The following CALN1 variants were observed in gnomAD, a reference collection of about 807,000 sequenced individuals.
The protein encoded by CALN1 is calneuron 1, also known as calcium-binding protein 8.
Under a neutral mutation model 30.6 loss-of-function variants are expected in CALN1, and 17 were observed. That is an observed-to-expected ratio of 0.56 (90% CI 0.38 to 0.83). The LOEUF (loss-of-function observed/expected upper bound fraction) is 0.83. CALN1 is among the 40% of genes least tolerant of loss of function. The pLI, the probability that CALN1 is intolerant of heterozygous loss-of-function variation, is 0.00. For missense variants in CALN1, 291 were observed against 354.9 expected, an observed-to-expected ratio of 0.82 and a Z score of 1.45; for synonymous variants, 156 against 131.4, an observed-to-expected ratio of 1.19 and a Z score of -1.28.
chr7:72,082,494 T>C (rs1163147743), intron 4 of CALN1, among the ~76,000 whole-genome samples: 1 of 152,110 alleles, frequency 6.6e-6, no homozygotes, highest in Non-Finnish European at 1.5e-5. Flanking sequence ...ACCTGCTCTT[T>C]GAGGACTAGA....
In CALN1 at chr7:71,781,692, T is replaced by C. The variant is rs1315208624; in HGVS notation, c.*6083A>G. ...GGAAAATTCCAGCCTCTGCATCCTTTCCACTTGGACAATAACTTCTAACAG... is the reference window on the plus strand; with the variant it reads ...GGAAAATTCCAGCCTCTGCATCCTTCCCACTTGGACAATAACTTCTAACAG... On this transcript the variant is annotated 3_prime_UTR_variant, in exon 7 of 7. Coordinates refer to ENST00000395275, the MANE Select transcript of CALN1 (RefSeq NM_031468.4). The C allele has an allele frequency of 6.6e-6, 1 of 152,200 alleles. No homozygotes were observed. The highest frequency in any genetic ancestry group is 1.5e-5 in the Non-Finnish European group (1 of 68,052). The allele number at this position is 152,200 out of a possible 1,614,324, so 9.4% of individuals were successfully genotyped here. A position where few individuals can be genotyped will look rare whatever the true frequency, so the allele number is the denominator to read the frequency against.
chr7:71,997,317 GAGAGTAGAGGAC>G (rs1334336484), intron 5 of CALN1, among the ~76,000 whole-genome samples: 1 of 152,042 alleles, frequency 6.6e-6, no homozygotes, highest in Non-Finnish European at 1.5e-5. Flanking sequence ...TACTGGATAG[GAGAGTAGAGGAC>G]AGATGACAGA....
At chr7:72,389,478 C>A (rs1343360328) in intron 2 of CALN1, among the ~76,000 whole-genome samples, 1 of 152,180 alleles carries the variant, frequency 6.6e-6, no homozygotes, top group African/African-American at 2.4e-5. Context: ...ATTCAAAAAT[C>A]TGAGTCTTCC....
the CALN1 span, among the ~76,000 whole-genome samples, chr7:72,470,024 A>C: frequency 6.6e-6 from 1 of 152,132 alleles, no homozygotes; most frequent in Admixed American, 6.6e-5. Flanking sequence ...CCATAAAATG[A>C]GGGGGCATAA....
rs565945376 is a variant in CALN1, at chr7:72,351,688, T to C, written c.119+51563A>G. 3.3e-5 allele frequency among the ~76,000 whole-genome samples: 5 copies of C among 151,884 alleles called. No individual in the cohort carries two copies. The South Asian group carries it at 1.0e-3, about 32-fold the overall frequency. On this transcript the variant is annotated intron_variant, in intron 2 of 6. Transcript: ENST00000395275. ...TGTTAAACCCCAGAACACAAAGAGA[T>C]ACAGCAAATAAGCCAATAGAGAATA... is the stretch of plus-strand genomic sequence containing the variant.
intron 3 of CALN1, among the ~76,000 whole-genome samples, chr7:72,168,125 T>C (rs1788657316): frequency 6.6e-6 from 1 of 152,230 alleles, no homozygotes; most frequent in Admixed American, 6.5e-5. Flanking sequence ...TGGCTTATTT[T>C]GGGTTTTCTC....
chr7:72,412,487 A>C (rs985740848), upstream of CALN1: 2 of 152,178 alleles, frequency 1.3e-5, no homozygotes, highest in Non-Finnish European at 2.9e-5. Flanking sequence ...CCATTTTTAC[A>C]GAATGCTGAC....
chr7:71,906,754 C>T (rs1348123621), intron 5 of CALN1, among the ~76,000 whole-genome samples: 1 of 152,172 alleles, frequency 6.6e-6, no homozygotes. Context: ...ATAGATCTGG[C>T]ATCCAGACAG....
At chr7:72,290,504 T>C (rs1206381055) in intron 2 of CALN1, among the ~76,000 whole-genome samples, 1 of 152,138 alleles carries the variant, frequency 6.6e-6, no homozygotes, top group Non-Finnish European at 1.5e-5. Flanking sequence ...TATTCTGGAA[T>C]TCATTCTGGA....
At chr7:72,371,895 G>C (rs1376753333) in intron 2 of CALN1, among the ~76,000 whole-genome samples, 1 of 152,180 alleles carries the variant, frequency 6.6e-6, no homozygotes, top group Non-Finnish European at 1.5e-5. Context: ...AGGGCAGAAT[G>C]CATGGAGCAG....
chr7:71,787,956 A>T, intron 6 of CALN1, 54 bp from the exon 7 acceptor site: 1 of 1,611,210 alleles, frequency 6.2e-7, no homozygotes, highest in East Asian at 2.2e-5. Context: ...GGGAGAAGAG[A>T]GAAGAGAGAA....
chr7:71,943,836 C>A (rs188784669), intron 5 of CALN1, among the ~76,000 whole-genome samples: 273 of 151,954 alleles, frequency 1.8e-3, no homozygotes, highest in Non-Finnish European at 3.3e-3. Context: ...AAATTGGAGT[C>A]GGCAATAATA....
At chr7:72,501,966 T>A in the CALN1 span, among the ~76,000 whole-genome samples, 2 of 110,710 alleles carry the variant, frequency 1.8e-5, no homozygotes, top group Admixed American at 9.2e-5. Flanking sequence ...TATATATATA[T>A]AAATATATAT....
At chr7:72,486,613 T>G in the CALN1 span, among the ~76,000 whole-genome samples, 1 of 152,150 alleles carries the variant, frequency 6.6e-6, no homozygotes, top group African/African-American at 2.4e-5. Context: ...CCTCAAGTAA[T>G]CCGCCTGCCT....
intron 1 of CALN1, among the ~76,000 whole-genome samples, chr7:72,408,826 C>G (rs1228953592): frequency 1.3e-5 from 2 of 151,718 alleles, no homozygotes; most frequent in Non-Finnish European, 2.9e-5. Flanking sequence ...TACAGGCGGG[C>G]ACCATCACTC....
intron 3 of CALN1, among the ~76,000 whole-genome samples, chr7:72,270,942 T>C (rs1185072215): frequency 6.6e-6 from 1 of 152,186 alleles, no homozygotes; most frequent in African/African-American, 2.4e-5. Context: ...AGTGGAAACT[T>C]GACCCAAGGC....
chr7:72,126,976 G>C (rs556369025), intron 3 of CALN1, among the ~76,000 whole-genome samples: 90 of 152,014 alleles, frequency 5.9e-4, no homozygotes, highest in African/African-American at 1.9e-3. Context: ...AATAACTATT[G>C]AAATAAATAT....
intron 2 of CALN1, among the ~76,000 whole-genome samples, chr7:72,295,922 G>A (rs1798822796): frequency 6.6e-6 from 1 of 151,832 alleles, no homozygotes; most frequent in Non-Finnish European, 1.5e-5. Flanking sequence ...TGGTGAGAGA[G>A]GGCATCCCTG....
chr7:72,040,409 T>C (rs1396485403), intron 4 of CALN1, among the ~76,000 whole-genome samples: 3 of 152,106 alleles, frequency 2.0e-5, no homozygotes, highest in Non-Finnish European at 2.9e-5. Context: ...CGCTTGATCC[T>C]GGGAAGTTGT....
Sources: gnomAD v4.1 joint callset for allele counts (sites outside exome capture counted in the v4.1 genomes callset) on GRCh38, gnomAD v4.1.1 for gene constraint, MANE v1.5 for transcripts, NCBI Gene and HGNC (gene_info 2026-07-23, HGNC 2026-07-21) for gene names.